The following HGSNAT variants were observed in gnomAD, a reference collection of about 807,000 sequenced individuals.
The protein encoded by HGSNAT is heparan-alpha-glucosaminide N-acetyltransferase, also known as transmembrane protein 76.
Under a neutral mutation model 85.2 loss-of-function variants are expected in HGSNAT, and 59 were observed. The ratio of observed to expected loss-of-function variants is 0.69; its 90% CI spans 0.56 to 0.86. HGSNAT has a LOEUF of 0.86. Among genes scored for constraint, HGSNAT ranks in the 40% least tolerant of loss-of-function variants. HGSNAT has a pLI of 0.00. For missense variants in HGSNAT, 756 were observed against 777.1 expected (o/e 0.97, Z 0.32); for synonymous variants, 321 against 304.5 (o/e 1.05, Z -0.56).
Position 43,196,286 on chromosome 8 carries a change from G to C in HGSNAT, c.1465-662G>C, listed in dbSNP as rs1294730100. 3.1e-5 allele frequency: 11 copies of C among 360,434 alleles called. 1 individual carries two copies. 22.3% of individuals were successfully genotyped at this position (360,434 alleles called of 1,614,324 possible). A position where few individuals can be genotyped will look rare whatever the true frequency, so the allele number is the denominator to read the frequency against. ...GCTATTACTATAAATTATTTTTAAA[G>C]CTTCTCATCCTTTGATGTTTTCAAA... On this transcript the variant is annotated intron_variant, in intron 14 of 17. Transcript: ENST00000379644.
At chr8:43,181,313 G>A (rs1028039400) in intron 10 of HGSNAT, among the ~76,000 whole-genome samples, 20 of 151,876 alleles carry the variant, frequency 1.3e-4, no homozygotes, top group Non-Finnish European at 2.1e-4. Context: ...CTGGGTTTCT[G>A]GAAGGAGTAA....
intron 11 of HGSNAT, among the ~76,000 whole-genome samples, chr8:43,189,920 A>G (rs1804469756): frequency 6.6e-6 from 1 of 152,142 alleles, no homozygotes; most frequent in Non-Finnish European, 1.5e-5. Context: ...ATAGTATTAA[A>G]TAATACCACC....
intron 2 of HGSNAT, among the ~76,000 whole-genome samples, chr8:43,148,704 C>T (rs781708440): frequency 2.1e-4 from 32 of 150,590 alleles, no homozygotes; most frequent in African/African-American, 6.8e-4. Context: ...GCTGGAGAAT[C>T]GCTTGAACCT....
intron 11 of HGSNAT, among the ~76,000 whole-genome samples, chr8:43,182,817 G>A (rs1337413968): frequency 1.3e-5 from 2 of 152,144 alleles, no homozygotes; most frequent in South Asian, 2.1e-4. Context: ...ATTTCTGCAT[G>A]CAATACTGTA....
Position 43,199,584 on chromosome 8 carries a change from A to C in HGSNAT, c.*15A>C, listed in dbSNP as rs372810932. On this transcript the variant is annotated 3_prime_UTR_variant, in exon 18 of 18. Coordinates refer to ENST00000379644, the MANE Select transcript of HGSNAT (RefSeq NM_152419.3). ...GGAAAATCTGATGGCTCCCACTGAGATGTGCTGCTGGAAGACTCTAGTAGG... is the reference window on the plus strand; with the variant it reads ...GGAAAATCTGATGGCTCCCACTGAGCTGTGCTGCTGGAAGACTCTAGTAGG... The C allele has an allele frequency of 6.6e-7, 1 of 1,520,434 alleles. No homozygotes were observed. Among genetic ancestry groups the C allele is most frequent in the African/African-American group, 1.4e-5 (1 of 71,972 alleles). The allele number at this position is 1,520,434 out of a possible 1,614,324, so 94.2% of individuals were successfully genotyped here. A position where few individuals can be genotyped will look rare whatever the true frequency, so the allele number is the denominator to read the frequency against.
At chr8:43,167,360 C>T (rs75184615) in intron 5 of HGSNAT, among the ~76,000 whole-genome samples, 3,658 of 152,248 alleles carry the variant, frequency 0.024, 141 homozygotes, top group African/African-American at 0.082. Context: ...GTCTTGATTT[C>T]GGAAATTGCC....
chr8:43,167,938 A>G (rs1318406551), intron 5 of HGSNAT: 2 of 244,760 alleles, frequency 8.2e-6, no homozygotes, highest in Non-Finnish European at 1.6e-5. Flanking sequence ...TTTTTTTTTG[A>G]GACAGAGTCT....
At chr8:43,195,506 G>GGAGGAGGAGGAA (rs1409237604) in intron 14 of HGSNAT, among the ~76,000 whole-genome samples, 1 of 149,874 alleles carries the variant, frequency 6.7e-6, no homozygotes, top group Non-Finnish European at 1.5e-5. Context: ...AAGAGGAGGA[G>GGAGGAGGAGGAA]GAGGAGGAGG....
chr8:43,191,122 C>A (rs570730610), intron 11 of HGSNAT, among the ~76,000 whole-genome samples: 43 of 152,348 alleles, frequency 2.8e-4, no homozygotes, highest in African/African-American at 9.4e-4. Flanking sequence ...TAGGGATACA[C>A]CACATTTTGC....
rs181001101 is a variant in HGSNAT at position 43,144,954 on chromosome 8, G to A, written c.119-1994G>A. Among the ~76,000 whole-genome samples the A allele has an allele frequency of 3.0e-4, 46 of 152,322 alleles. No homozygotes were observed. In the East Asian group the frequency reaches 7.5e-3, roughly 25 times the overall value. On this transcript the variant is annotated intron_variant, in intron 1 of 17. Coordinates refer to ENST00000379644, the MANE Select transcript of HGSNAT (RefSeq NM_152419.3). The stretch of plus-strand genomic sequence containing the variant: ...GGAACACAAGCCAGGCACACAGTAA[G>A]TGTTCAGGAAGTGCTGGCATTATGA...
chr8:43,159,154 C>T, intron 4 of HGSNAT, 110 bp downstream of exon 4: 1 of 1,144,928 alleles, frequency 8.7e-7, no homozygotes, highest in Non-Finnish European at 1.2e-6. Context: ...AGTTGAAAAC[C>T]TAAATCTTAG....
chr8:43,151,193 G>C (rs1324793246), intron 2 of HGSNAT, among the ~76,000 whole-genome samples: 2 of 152,232 alleles, frequency 1.3e-5, no homozygotes, highest in Non-Finnish European at 2.9e-5. Flanking sequence ...ACATTTTGAA[G>C]GTTTCATCAT....
intron 1 of HGSNAT, among the ~76,000 whole-genome samples, 194 bp downstream of exon 1, chr8:43,140,808 G>T (rs1315773852): frequency 6.6e-6 from 1 of 152,188 alleles, no homozygotes; most frequent in South Asian, 2.1e-4. Context: ...GCTGCGGCCG[G>T]GCCCCGCGGA....
intron 1 of HGSNAT, among the ~76,000 whole-genome samples, chr8:43,141,122 C>T (rs1563350352): frequency 6.6e-6 from 1 of 152,216 alleles, no homozygotes; most frequent in Non-Finnish European, 1.5e-5. Flanking sequence ...GGTGGGAAGC[C>T]TGGGGCCGGG....
chr8:43,162,962 G>T (rs1803314913), intron 5 of HGSNAT, among the ~76,000 whole-genome samples: 1 of 152,108 alleles, frequency 6.6e-6, no homozygotes, highest in Non-Finnish European at 1.5e-5. Context: ...AAGGCAGATG[G>T]ATCACTTGAG....
chr8:43,174,408 C>T (rs1803739945), intron 9 of HGSNAT, among the ~76,000 whole-genome samples: 1 of 151,988 alleles, frequency 6.6e-6, no homozygotes, highest in African/African-American at 2.4e-5. Context: ...TCAGTGAATG[C>T]TAATAAATAT....
chr8:43,193,844 G>A lies in HGSNAT; in HGVS notation c.1464+1G>A, dbSNP rs398124545. On this transcript the variant is annotated splice_donor_variant, in intron 14 of 17. Transcript: ENST00000379644. LOFTEE classifies it high-confidence loss of function. ...CGTGATGGCCTTTTTAGGAGTTCAG[G>A]TATTTGTTCATTTCATTAGGTTACT... The A allele has an allele frequency of 1.8e-5, 29 of 1,613,218 alleles. No individual in the cohort carries two copies. Among genetic ancestry groups the A allele is most frequent in the Non-Finnish European group, 2.4e-5 (28 of 1,179,358 alleles).
intron 5 of HGSNAT, chr8:43,167,883 T>G: frequency 4.5e-6 from 1 of 223,670 alleles, no homozygotes; most frequent in East Asian, 1.7e-4. Flanking sequence ...GTCATGTAAA[T>G]CAATTTAATG....
chr8:43,169,552 A>G (rs1803546190), intron 6 of HGSNAT, among the ~76,000 whole-genome samples: 2 of 152,226 alleles, frequency 1.3e-5, no homozygotes, highest in Admixed American at 1.3e-4. Flanking sequence ...AAACAAAGAA[A>G]TAAGAGACAA....
Sources: gnomAD v4.1 joint callset for allele counts (sites outside exome capture counted in the v4.1 genomes callset) on GRCh38, gnomAD v4.1.1 for gene constraint, MANE v1.5 for transcripts, NCBI Gene and HGNC (gene_info 2026-07-23, HGNC 2026-07-21) for gene names.